Variants in OPHN1 observed in about 807,000 individuals in gnomAD.
The protein encoded by OPHN1 is oligophrenin 1.
In OPHN1, 11 loss-of-function variants were observed where a neutral mutation model predicts 60.7. That is an observed-to-expected ratio of 0.18 (90% CI 0.11 to 0.30). The LOEUF is 0.30. OPHN1 is among the 10% of genes least tolerant of loss of function. The probability of loss-of-function intolerance (pLI) is 1.00; values close to 1 mark genes in which losing one functional copy is unlikely to be tolerated. For synonymous variants in OPHN1, 226 were observed against 222.6 expected, an observed-to-expected ratio of 1.02 and a Z score of -0.14; for missense variants, 449 against 611.0, an observed-to-expected ratio of 0.73 and a Z score of 2.80.
intron 6 of OPHN1, among the ~76,000 whole-genome samples, chrX:68,219,434 T>C (rs1173488829): frequency 9.3e-6 from 1 of 107,022 alleles, no homozygotes; most frequent in Admixed American, 1.0e-4. Flanking sequence ...GCGGACCTAA[T>C]AGACATCTAC....
At chrX:68,060,925 C>T (rs917043988) in intron 21 of OPHN1, among the ~76,000 whole-genome samples, 5 of 111,892 alleles carry the variant, frequency 4.5e-5, no homozygotes, top group Admixed American at 2.8e-4. Context: ...TTTGCTTAAC[C>T]GATAACTCTT....
At chrX:68,422,931 T>G (rs1185019249) in intron 2 of OPHN1, among the ~76,000 whole-genome samples, 2 of 112,204 alleles carry the variant, frequency 1.8e-5, no homozygotes, top group Middle Eastern at 4.2e-3. Flanking sequence ...CAATTCCGAC[T>G]CTAGCTCTAG....
chrX:68,325,392 A>C (rs957304905), intron 2 of OPHN1, among the ~76,000 whole-genome samples: 1 of 106,820 alleles, frequency 9.4e-6, no homozygotes, highest in African/African-American at 3.4e-5. Flanking sequence ...ATATAGATGC[A>C]CATATATATA....
chrX:68,150,871 C>A (rs969944960), intron 15 of OPHN1, among the ~76,000 whole-genome samples: 2 of 111,914 alleles, frequency 1.8e-5, no homozygotes, highest in Non-Finnish European at 3.8e-5. Context: ...AATTGGAATT[C>A]TATGTCCATT....
chrX:68,400,759 G>A (rs1424615374), intron 2 of OPHN1, among the ~76,000 whole-genome samples: 6 of 109,051 alleles, frequency 5.5e-5, no homozygotes, highest in African/African-American at 1.3e-4. Flanking sequence ...GCACCACCAT[G>A]CCTGGCTGAT....
intron 15 of OPHN1, among the ~76,000 whole-genome samples, chrX:68,185,886 T>A (rs886668191): frequency 1.8e-5 from 2 of 110,613 alleles, no homozygotes; most frequent in Non-Finnish European, 3.8e-5. Flanking sequence ...AGGTATACAT[T>A]ACACATCAGA....
intron 4 of OPHN1, among the ~76,000 whole-genome samples, chrX:68,281,096 C>A (rs2078017499): frequency 8.9e-6 from 1 of 111,831 alleles, no homozygotes; most frequent in Non-Finnish European, 1.9e-5. Flanking sequence ...AAAATCCCAG[C>A]AAGTTATTTT....
chrX:68,320,781 G>T (rs2078231610), intron 2 of OPHN1, among the ~76,000 whole-genome samples: 1 of 111,478 alleles, frequency 9.0e-6, no homozygotes, highest in African/African-American at 3.3e-5. Flanking sequence ...CCCAAGTCCA[G>T]GTCTCTGGAA....
At position 68,077,600 on chromosome X, in the gene OPHN1, G is replaced by C. The variant is rs528771461; in HGVS notation, c.1687-4301C>G. ...GATGTCATTATTCAAAAATAGTTTT[G>C]TGTGTGTATGAATGCACTGTCCTTT... is the stretch of plus-strand genomic sequence containing the variant. On this transcript the variant is annotated intron_variant, in intron 19 of 24. Transcript: ENST00000355520. Among the ~76,000 whole-genome samples the C allele has an allele frequency of 2.7e-5, 3 of 111,577 alleles. No homozygotes were observed. In the Admixed American group the frequency reaches 2.9e-4, roughly 11 times the overall value.
At chrX:68,347,399 A>G (rs944439454) in intron 2 of OPHN1, among the ~76,000 whole-genome samples, 1 of 111,428 alleles carries the variant, frequency 9.0e-6, no homozygotes, top group South Asian at 3.8e-4. Flanking sequence ...TCACTGCAGT[A>G]TCAAATCTCA....
chrX:68,176,817 G>A (rs1433820579), intron 15 of OPHN1, among the ~76,000 whole-genome samples: 1 of 110,696 alleles, frequency 9.0e-6, no homozygotes, highest in African/African-American at 3.3e-5. Flanking sequence ...GGAACACTAG[G>A]CATAAATGGG....
intron 15 of OPHN1, among the ~76,000 whole-genome samples, chrX:68,167,646 CATATATGCATGTATACAT>C (rs1237939912): frequency 5.5e-5 from 6 of 108,926 alleles, no homozygotes; most frequent in Admixed American, 3.9e-4. Context: ...TATATGCATA[CATATATGCATGTATACAT>C]ATATATGCAT....
intron 2 of OPHN1, among the ~76,000 whole-genome samples, chrX:68,429,164 G>A (rs2078873298): frequency 9.0e-6 from 1 of 111,150 alleles, no homozygotes; most frequent in Non-Finnish European, 1.9e-5. Context: ...GCTCATGCCT[G>A]TAATTCTTGC....
chrX:68,061,283 G>A (rs1016970705), intron 21 of OPHN1, among the ~76,000 whole-genome samples: 4 of 111,665 alleles, frequency 3.6e-5, no homozygotes, highest in Admixed American at 9.5e-5. Context: ...AGTAGCTGCC[G>A]CCAGCAGCCC....
At chrX:68,225,531 G>A (rs2147509114) in intron 6 of OPHN1, among the ~76,000 whole-genome samples, 1 of 111,848 alleles carries the variant, frequency 8.9e-6, no homozygotes, top group East Asian at 2.8e-4. Context: ...AGCTTCCAGA[G>A]GACGGATCGG....
At chrX:68,364,673 T>C (rs1020308590) in intron 2 of OPHN1, among the ~76,000 whole-genome samples, 1 of 112,395 alleles carries the variant, frequency 8.9e-6, no homozygotes, top group Admixed American at 9.5e-5. Flanking sequence ...AGTTCAGTTT[T>C]CTACATGTGG....
chrX:68,274,482 G>A (rs908151585), intron 5 of OPHN1, among the ~76,000 whole-genome samples: 6 of 111,404 alleles, frequency 5.4e-5, no homozygotes, highest in Admixed American at 3.8e-4. Flanking sequence ...ACTCTCTTTC[G>A]TGATCATTTT....
At chrX:68,209,907 C>T in intron 9 of OPHN1, 1 of 382,495 alleles carries the variant, frequency 2.6e-6, no homozygotes, top group Non-Finnish European at 4.6e-6. Flanking sequence ...ACAAATAATA[C>T]CCATTTTGAA....
intron 3 of OPHN1, among the ~76,000 whole-genome samples, chrX:68,297,250 C>A (rs189126422): frequency 4.2e-4 from 47 of 111,681 alleles, no homozygotes; most frequent in African/African-American, 1.5e-3. Context: ...AGACACTATG[C>A]ACACTTGGCA....
Sources: gnomAD v4.1 joint callset for allele counts (sites outside exome capture counted in the v4.1 genomes callset) on GRCh38, gnomAD v4.1.1 for gene constraint, MANE v1.5 for transcripts, NCBI Gene and HGNC (gene_info 2026-07-23, HGNC 2026-07-21) for gene names.